The following HMGB1 variants were observed in gnomAD, a reference collection of about 807,000 sequenced individuals.
The protein encoded by HMGB1 is high mobility group box 1.
For missense variants in HMGB1, 79 were observed against 253.5 expected (o/e 0.31, Z 4.67); for synonymous variants, 81 against 84.0 (o/e 0.96, Z 0.19).
chr13:30,589,924 G>A (rs1871302053), intron 1 of HMGB1, among the ~76,000 whole-genome samples: 1 of 151,754 alleles, frequency 6.6e-6, no homozygotes, highest in Admixed American at 6.6e-5. Flanking sequence ...GGAATGAACA[G>A]GACTGGCTGA....
chr13:30,546,051 G>A (rs1869142928), intron 1 of HMGB1, among the ~76,000 whole-genome samples: 1 of 152,178 alleles, frequency 6.6e-6, no homozygotes, highest in South Asian at 2.1e-4. Flanking sequence ...GTTGGACAAT[G>A]CAGATATAAA....
At chr13:30,464,536 CCAGGCCCGAGGCCGCCACGTGCGCCCGG>C in intron 1 of HMGB1, 1 of 984,694 alleles carries the variant, frequency 1.0e-6, no homozygotes, top group Non-Finnish European at 1.2e-6. Flanking sequence ...GGCCCGGCTC[CCAGGCCCGAGGCCGCCACGTGCGCCCGG>C]CAGGCCCTGC....
chr13:30,461,810 T>C (rs1186430211), intron 4 of HMGB1: 2 of 604,660 alleles, frequency 3.3e-6, no homozygotes, highest in East Asian at 8.3e-5. Context: ...ACATCCTAAC[T>C]CTATTAAAAC....
At chr13:30,492,820 G>T (rs1887527116) in intron 1 of HMGB1, among the ~76,000 whole-genome samples, 1 of 151,852 alleles carries the variant, frequency 6.6e-6, no homozygotes. Flanking sequence ...GTGAATCCCT[G>T]TCTCTACTAA....
Position 30,580,748 on chromosome 13 carries a change from T to G in HMGB1, c.-15+35923A>C, listed in dbSNP as rs1026976741. Among the ~76,000 whole-genome samples, 4 of 152,138 alleles carry G rather than the reference T, an allele frequency of 2.6e-5. No homozygotes were observed. The South Asian group carries it at 8.3e-4, about 32-fold the overall frequency. On this transcript the variant is annotated intron_variant, in intron 1 of 4. Transcript: ENST00000405805. ...TTTAATAACTATTAGTTGAATAAAA[T>G]TGGAGACTAGAATGATACATAAAGA... is the stretch of plus-strand genomic sequence containing the variant.
At chr13:30,562,020 A>G (rs572330223) in intron 1 of HMGB1, among the ~76,000 whole-genome samples, 1 of 152,284 alleles carries the variant, frequency 6.6e-6, no homozygotes, top group African/African-American at 2.4e-5. Context: ...AGTGTCTTAT[A>G]CAGAAGTTGT....
At chr13:30,519,592 T>C (rs8000891) in intron 1 of HMGB1, among the ~76,000 whole-genome samples, 139,410 of 149,724 alleles carry the variant, frequency 0.93, 65,011 homozygotes, top group East Asian at 1. Context: ...CCCAGCTACT[T>C]GGGAGGCTGA....
intron 1 of HMGB1, among the ~76,000 whole-genome samples, chr13:30,538,689 C>CTTTT (rs760074026): frequency 1.1e-4 from 7 of 65,838 alleles, no homozygotes; most frequent in Non-Finnish European, 1.7e-4. Flanking sequence ...TCTTTCCTTT[C>CTTTT]TTTCTTTCTT....
At chr13:30,558,775 C>T (rs144492781) in intron 1 of HMGB1, among the ~76,000 whole-genome samples, 136 of 152,316 alleles carry the variant, frequency 8.9e-4, no homozygotes, top group African/African-American at 3.0e-3. Context: ...CAATAGTTTT[C>T]AAGTGTGATC....
rs954902038 is a variant in HMGB1, at chr13:30,591,276, C to T, written c.-15+25395G>A. ...TGAACTCTTGACCTTAAATGATCCA[C>T]CCGCCTCGGCCTCCCAAAGTGCTGG... On this transcript the variant is annotated intron_variant, in intron 1 of 4. Transcript: ENST00000405805. Among the ~76,000 whole-genome samples the T allele has an allele frequency of 3.3e-5, 5 of 152,154 alleles. No individual in the cohort carries two copies. In the East Asian group the frequency reaches 7.7e-4, roughly 24 times the overall value.
intron 1 of HMGB1, chr13:30,464,764 T>G (rs1309256787): frequency 5.8e-6 from 1 of 173,214 alleles, no homozygotes; most frequent in Non-Finnish European, 8.8e-6. Context: ...CTTCCCTTTG[T>G]GTGTGTGTGT....
intron 1 of HMGB1, among the ~76,000 whole-genome samples, chr13:30,600,263 T>C (rs931507062): frequency 6.6e-6 from 1 of 152,236 alleles, no homozygotes; most frequent in African/African-American, 2.4e-5. Flanking sequence ...CACCTTAGGG[T>C]AGAACAGCTC....
At chr13:30,463,747 A>C in intron 1 of HMGB1, 53 bp from the exon 2 acceptor site, 2 of 1,165,478 alleles carry the variant, frequency 1.7e-6, no homozygotes, top group Non-Finnish European at 2.4e-6. Flanking sequence ...GACATATAAG[A>C]CCTTAAAGTA....
chr13:30,606,225 T>C (rs1004858828), intron 1 of HMGB1, among the ~76,000 whole-genome samples: 4 of 152,198 alleles, frequency 2.6e-5, no homozygotes, highest in African/African-American at 9.7e-5. Context: ...TGAATACATT[T>C]ATTACTCTTG....
intron 1 of HMGB1, among the ~76,000 whole-genome samples, chr13:30,483,348 T>A (rs890437146): frequency 1.5e-5 from 2 of 131,076 alleles, no homozygotes; most frequent in East Asian, 4.0e-4. Flanking sequence ...AGTATCATCA[T>A]TAACTCCTCC....
At chr13:30,476,716 A>G (rs1176513882) in intron 1 of HMGB1, among the ~76,000 whole-genome samples, 1 of 151,926 alleles carries the variant, frequency 6.6e-6, no homozygotes. Context: ...GTACAAAAGT[A>G]TTAGCTGAGT....
At chr13:30,601,184 G>A (rs546490498) in intron 1 of HMGB1, among the ~76,000 whole-genome samples, 1 of 152,068 alleles carries the variant, frequency 6.6e-6, no homozygotes, top group African/African-American at 2.4e-5. Flanking sequence ...GAGATCCACC[G>A]CTGCCCGCAA....
chr13:30,573,413 T>C (rs1273203506), intron 1 of HMGB1, among the ~76,000 whole-genome samples: 2 of 152,256 alleles, frequency 1.3e-5, no homozygotes, highest in African/African-American at 4.8e-5. Context: ...AACTTTTTAA[T>C]GTGAAAAAAA....
At chr13:30,586,871 C>T (rs1420367125) in intron 1 of HMGB1, among the ~76,000 whole-genome samples, 1 of 152,016 alleles carries the variant, frequency 6.6e-6, no homozygotes, top group Non-Finnish European at 1.5e-5. Flanking sequence ...CGTGACTTTC[C>T]CTCCCAAACC....
Sources: gnomAD v4.1 joint callset for allele counts (sites outside exome capture counted in the v4.1 genomes callset) on GRCh38, gnomAD v4.1.1 for gene constraint, MANE v1.5 for transcripts, NCBI Gene and HGNC (gene_info 2026-07-23, HGNC 2026-07-21) for gene names.